Variants in PCDHA6 observed in about 807,000 individuals in gnomAD.
PCDHA6 encodes the protein protocadherin alpha 6, also known as protocadherin alpha-6.
In PCDHA6, 55 loss-of-function variants were observed where a neutral mutation model predicts 60.3. The observed-to-expected ratio is 0.91, with a 90% CI of 0.73 to 1.14. The LOEUF is 1.14. Ranked by LOEUF, PCDHA6 falls within the 50% of genes most tolerant of loss-of-function variation. The pLI is 0.00. For synonymous variants in PCDHA6, 652 were observed against 557.9 expected, an observed-to-expected ratio of 1.17 and a Z score of -2.38; for missense variants, 1,327 against 1,256.5, an observed-to-expected ratio of 1.06 and a Z score of -0.85.
At chr5:140,944,839 G>C (rs1449491788) in intron 1 of PCDHA6, among the ~76,000 whole-genome samples, 3 of 152,130 alleles carry the variant, frequency 2.0e-5, no homozygotes, top group African/African-American at 7.2e-5. Flanking sequence ...TGTAAAATGA[G>C]ATATTAGAAT....
intron 1 of PCDHA6, chr5:140,842,302 T>C: frequency 6.2e-7 from 1 of 1,609,920 alleles, no homozygotes; most frequent in Middle Eastern, 1.7e-4. Context: ...ACAAAGGCCA[T>C]CCTCCCATGG....
At chr5:140,950,976 A>G (rs543425095) in intron 1 of PCDHA6, among the ~76,000 whole-genome samples, 188 of 151,348 alleles carry the variant, frequency 1.2e-3, no homozygotes, top group African/African-American at 4.3e-3. Flanking sequence ...AGATTCATTG[A>G]CTTTTGCCTC....
chr5:140,982,561 C>G lies in PCDHA6; in HGVS notation c.2540C>G (p.Pro847Arg), dbSNP rs560422677. ...QQWPTVSSAT[P>R]EPEAGEVSPP... The stretch of plus-strand genomic sequence containing the variant: ...TGGCCAACAGTATCCAGTGCAACAC[C>G]AGGTAAAGAGCTGGGGTCTCTCCAT... The change falls in exon 3 of 4, where the codon CCA (proline) becomes CGA (arginine). Residue 847 changes from proline (P) to arginine (R), a missense_variant and splice_region_variant. By Grantham distance (103) the Pro-to-Arg change is moderately radical. Coordinates refer to ENST00000529310, the MANE Select transcript of PCDHA6 (RefSeq NM_018909.4). The G allele has an allele frequency of 6.2e-7, 1 of 1,614,060 alleles. No individual in the cohort carries two copies. Among genetic ancestry groups the G allele is most frequent in the African/African-American group, 1.3e-5 (1 of 75,052 alleles).
intron 1 of PCDHA6, chr5:140,876,441 T>C (rs1582281358): frequency 6.2e-7 from 1 of 1,613,992 alleles, no homozygotes; most frequent in East Asian, 2.2e-5. Flanking sequence ...TTAACGCCAT[T>C]GATAAAGGGA....
intron 1 of PCDHA6, among the ~76,000 whole-genome samples, chr5:140,977,658 T>C (rs1332848343): frequency 6.6e-6 from 1 of 152,192 alleles, no homozygotes; most frequent in African/African-American, 2.4e-5. Context: ...TTTGGCTAAT[T>C]CTCTGCATGC....
rs113142258 is a variant in PCDHA6, at chr5:140,939,756, T to C, written c.2395-39193T>C. 3.3e-3 allele frequency among the ~76,000 whole-genome samples: 504 copies of C among 152,358 alleles called. 2 individuals carry two copies. Among genetic ancestry groups the C allele is most frequent in the African/African-American group, 0.012 (483 of 41,584 alleles). Reference sequence around the variant, plus strand: ...AGCTGTGTATCATTCATTGTCATTATATAGTATTTCAGGGTGTGAATGGTC... The same window carrying C: ...AGCTGTGTATCATTCATTGTCATTACATAGTATTTCAGGGTGTGAATGGTC... On this transcript the variant is annotated intron_variant, in intron 1 of 3. Transcript: ENST00000529310.
Position 140,884,301 on chromosome 5 carries a change from C to T in PCDHA6, c.2394+53816C>T, listed in dbSNP as rs375535055. On this transcript the variant is annotated intron_variant, in intron 1 of 3. Transcript: ENST00000529310. ...GTGGAGAGCGGCCAAGCGCCACAGG[C>T]TTCGTCGAGGGCGTCGGCAGGCGCT... 4.3e-6 allele frequency: 7 copies of T among 1,613,608 alleles called. No homozygotes were observed. The African/African-American group carries it at 8.0e-5, about 18-fold the overall frequency.
chr5:140,875,306 C>T, intron 1 of PCDHA6: 1 of 1,420,166 alleles, frequency 7.0e-7, no homozygotes, highest in Admixed American at 2.9e-5. Context: ...TTCTCCGCAC[C>T]CACATTCCAA....
At chr5:140,946,574 G>C (rs246054) in intron 1 of PCDHA6, among the ~76,000 whole-genome samples, 17 of 145,538 alleles carry the variant, frequency 1.2e-4, no homozygotes, top group African/African-American at 4.5e-4. Flanking sequence ...AATCAACTTA[G>C]GTGTTCATAG....
chr5:140,967,980 A>G (rs1554230169), intron 1 of PCDHA6: 1 of 1,614,198 alleles, frequency 6.2e-7, no homozygotes, highest in African/African-American at 1.3e-5. Context: ...CTGGGTCTGG[A>G]GGCCACACTG....
At chr5:140,861,658 G>T (rs913348410) in intron 1 of PCDHA6, 2 of 268,996 alleles carry the variant, frequency 7.4e-6, no homozygotes, top group Non-Finnish European at 1.5e-5. Context: ...TTTCTGAAAC[G>T]AGAGCTCTTG....
intron 3 of PCDHA6, among the ~76,000 whole-genome samples, chr5:140,998,365 A>G (rs1434602564): frequency 6.6e-6 from 1 of 152,142 alleles, no homozygotes; most frequent in African/African-American, 2.4e-5. Context: ...ACCACTGCAC[A>G]CACCGTCTCT....
At chr5:140,901,515 T>C (rs1323018473) in intron 1 of PCDHA6, among the ~76,000 whole-genome samples, 1 of 152,178 alleles carries the variant, frequency 6.6e-6, no homozygotes, top group Non-Finnish European at 1.5e-5. Context: ...ATTATAGATA[T>C]GTGGATTTGT....
chr5:141,009,510 C>T (rs936602953), intron 3 of PCDHA6, 117 bp from the exon 4 acceptor site: 7 of 1,498,300 alleles, frequency 4.7e-6, no homozygotes, highest in Admixed American at 4.7e-5. Flanking sequence ...ACAAACAACT[C>T]GTGATTTTTC....
In PCDHA6 at chr5:140,870,962, C is replaced by A. The variant is rs1489353896; in HGVS notation, c.2394+40477C>A. 7 of 1,613,532 alleles carry A rather than the reference C, an allele frequency of 4.3e-6. No individual in the cohort carries two copies. In the Admixed American group the frequency reaches 1.2e-4, roughly 27 times the overall value. On this transcript the variant is annotated intron_variant, in intron 1 of 3. Transcript: ENST00000529310. Reference sequence around the variant, plus strand: ...CCGGCGGCGGGCGGCTCGCGCATCCCGTTCCGCGTGGGGCTGTACACGGGC... The same window carrying A: ...CCGGCGGCGGGCGGCTCGCGCATCCAGTTCCGCGTGGGGCTGTACACGGGC...
In PCDHA6 at chr5:140,828,537, A is replaced by T. The variant is rs2150156505; in HGVS notation, c.446A>T (p.Asp149Val). 2 of 1,614,236 alleles carry T rather than the reference A, an allele frequency of 1.2e-6. No individual in the cohort carries two copies. The highest frequency in any genetic ancestry group is 1.1e-5 in the South Asian group (1 of 91,090). ...CTGATTTACGAATCTAGGCTGCCAG[A>T]TTCTGTGTTTCCACTGGAGGGCGCG... ...RVLIYESRLPDSVFPLEGASD... is the reference protein window; with the variant it reads ...RVLIYESRLPVSVFPLEGASD... Residue 149 changes from aspartate (D) to valine (V), a missense_variant, in exon 1 of 4, where the codon GAT becomes GTT. Coordinates refer to ENST00000529310, the MANE Select transcript of PCDHA6 (RefSeq NM_018909.4).
intron 1 of PCDHA6, chr5:140,856,511 G>A (rs1554148790): frequency 6.3e-7 from 1 of 1,598,478 alleles, no homozygotes; most frequent in Non-Finnish European, 8.6e-7. Context: ...TCCACTAGAA[G>A]GCGCATCTGA....
At chr5:140,909,983 C>T (rs2074810620) in intron 1 of PCDHA6, among the ~76,000 whole-genome samples, 1 of 152,214 alleles carries the variant, frequency 6.6e-6, no homozygotes, top group Non-Finnish European at 1.5e-5. Context: ...GGGAGAAAGA[C>T]TAACAGCATA....
At chr5:140,842,605 G>T (rs1198033528) in intron 1 of PCDHA6, 2 of 1,550,578 alleles carry the variant, frequency 1.3e-6, no homozygotes, top group African/African-American at 2.9e-5. Context: ...TAACCGCGCG[G>T]GACGGGGGCT....
Sources: allele counts gnomAD v4.1 joint callset (sites outside exome capture counted in the v4.1 genomes callset), GRCh38; gene constraint gnomAD v4.1.1; transcripts MANE v1.5; gene names NCBI Gene and HGNC (gene_info 2026-07-23, HGNC 2026-07-21).